Variants in KHDC4 observed in about 807,000 individuals in gnomAD.
KHDC4 encodes KH homology domain-containing protein 4.
Under a neutral mutation model 74.5 loss-of-function variants are expected in KHDC4, and 19 were observed. The observed-to-expected ratio is 0.26, with a 90% CI of 0.18 to 0.37. The LOEUF (loss-of-function observed/expected upper bound fraction) is 0.37. KHDC4 is among the 10% of genes least tolerant of loss of function. KHDC4 has a pLI of 1.00. For missense variants in KHDC4, 632 were observed against 754.1 expected (o/e 0.84, Z 1.90); for synonymous variants, 253 against 266.1 (o/e 0.95, Z 0.48).
chr1:155,922,359 C>G (rs1230893810), intron 8 of KHDC4, among the ~76,000 whole-genome samples: 1 of 152,076 alleles, frequency 6.6e-6, no homozygotes, highest in East Asian at 1.9e-4. Flanking sequence ...GTTGGCCAGG[C>G]TGGTCTCGAA....
intron 2 of KHDC4, among the ~76,000 whole-genome samples, chr1:155,932,926 G>A (rs937846598): frequency 4.6e-5 from 7 of 152,110 alleles, no homozygotes; most frequent in African/African-American, 1.7e-4. Context: ...GTGACAGAGT[G>A]AGACTCTATC....
intron 10 of KHDC4, among the ~76,000 whole-genome samples, chr1:155,919,645 C>A (rs1344300772): frequency 1.3e-5 from 2 of 151,980 alleles, no homozygotes; most frequent in African/African-American, 4.8e-5. Context: ...CCCATCTCCA[C>A]TAAAAATACA....
At position 155,913,406 on chromosome 1, in the gene KHDC4, T is replaced by G. The variant is rs1482551826; in HGVS notation, c.*715A>C. On this transcript the variant is annotated 3_prime_UTR_variant, in exon 14 of 14. Transcript: ENST00000368321. ...TTTCTGTGATGAGTTCTGACCAGTTTTAGTCAAGAAGTTTTCTCTGACCCA... is the reference window on the plus strand; with the variant it reads ...TTTCTGTGATGAGTTCTGACCAGTTGTAGTCAAGAAGTTTTCTCTGACCCA... 6.6e-6 allele frequency: 1 copy of G among 152,402 alleles called. No homozygotes were observed. Among genetic ancestry groups the G allele is most frequent in the Non-Finnish European group, 1.5e-5 (1 of 68,098 alleles). The allele number at this position is 152,402 out of a possible 1,614,324, so 9.4% of individuals were successfully genotyped here.
rs907620921 is a variant in KHDC4 at position 155,917,805 on chromosome 1, T to C, written c.1267-133A>G. On this transcript the variant is annotated intron_variant, in intron 10 of 13. Coordinates refer to ENST00000368321, the MANE Select transcript of KHDC4 (RefSeq NM_014949.4). ...TGCATCTTCAGGTCCTTAGTTTCCT[T>C]CATGTATAATTTGGTAACATTATCA... is the stretch of plus-strand genomic sequence containing the variant. The C allele has an allele frequency of 9.4e-6, 7 of 747,494 alleles. No individual in the cohort carries two copies. The African/African-American group carries it at 1.1e-4, about 11-fold the overall frequency. 46.3% of individuals were successfully genotyped at this position (747,494 alleles called of 1,614,324 possible). A position where few individuals can be genotyped will look rare whatever the true frequency, so the allele number is the denominator to read the frequency against.
chr1:155,923,599 G>A (rs1673917015), intron 8 of KHDC4, 28 bp downstream of exon 8: 1 of 1,568,734 alleles, frequency 6.4e-7, no homozygotes, highest in Non-Finnish European at 8.8e-7. Flanking sequence ...TTGCTCTTCT[G>A]AATGAGTATC....
rs79601516 is a variant in KHDC4, at chr1:155,921,598, A to G, written c.1043T>C (p.Val348Ala). 5.6e-6 allele frequency: 9 copies of G among 1,614,142 alleles called. No individual in the cohort carries two copies. In the South Asian group the frequency reaches 8.8e-5, roughly 16 times the overall value. The change falls in exon 10 of 14, where the codon GTC becomes GCC. Residue 348 changes from valine (V) to alanine (A), a missense_variant. Physicochemically the swap from Val to Ala is moderately conservative, Grantham distance 64. This residue lies in a region of KHDC4 where 254 missense variants were observed against 267.4 expected (regional missense o/e 0.95). Transcript: ENST00000368321. ...GYTQPSAISS[V>A]PPQPPYYPSN... ...TGGATAATATGGTGGTTGAGGAGGG[A>G]CACTACTTATAGCAGAGGGTTGTGT...
Position 155,934,347 on chromosome 1 carries a change from A to G in KHDC4, c.27T>C (p.Pro9=). 5 of 1,611,020 alleles carry G rather than the reference A, an allele frequency of 3.1e-6. No homozygotes were observed. The highest frequency in any genetic ancestry group is 4.2e-6 in the Non-Finnish European group (5 of 1,179,954). The change falls in exon 1 of 14, where the codon CCT becomes CCC. Residue 9 remains proline, a synonymous_variant. Coordinates refer to ENST00000368321, the MANE Select transcript of KHDC4 (RefSeq NM_014949.4). The part of the protein sequence containing the change: MSAGSATH[P]GAGGRRSKWD... ...CCCTGAAGCCGTACCCGCCAGCTCCAGGATGTGTCGCGCTCCCCGCGGACA... is the reference window on the plus strand; with the variant it reads ...CCCTGAAGCCGTACCCGCCAGCTCCGGGATGTGTCGCGCTCCCCGCGGACA...
At position 155,929,750 on chromosome 1, in the gene KHDC4, A is replaced by G; in HGVS notation, c.346T>C (p.Cys116Arg). 1 of 1,612,960 alleles carries G rather than the reference A, an allele frequency of 6.2e-7. No homozygotes were observed. Among genetic ancestry groups the G allele is most frequent in the Non-Finnish European group, 8.5e-7 (1 of 1,179,600 alleles). The stretch of plus-strand genomic sequence containing the variant: ...TGTCCTCGAGTCAGCAAGTTCCTAC[A>G]TGTGAGAGGCACATCATTAATTTCT... ...EVEINDVPLT[C>R]RNLLTRGQTQ... is the part of the protein sequence containing the mutation. Residue 116 changes from cysteine (C) to arginine (R), a missense_variant, in exon 3 of 14, where the codon TGT becomes CGT. Coordinates refer to ENST00000368321, the MANE Select transcript of KHDC4 (RefSeq NM_014949.4).
chr1:155,926,963 T>G, intron 5 of KHDC4, 124 bp from the exon 6 acceptor site: 1 of 1,328,410 alleles, frequency 7.5e-7, no homozygotes, highest in Non-Finnish European at 1.1e-6. Flanking sequence ...TCTCCATCCC[T>G]CTAAACTCCC....
intron 2 of KHDC4, among the ~76,000 whole-genome samples, chr1:155,931,692 T>C (rs1674145403): frequency 6.6e-6 from 1 of 152,202 alleles, no homozygotes; most frequent in Admixed American, 6.5e-5. Flanking sequence ...ACCTCCTGAG[T>C]AGCTGGGACT....
chr1:155,926,985 T>C lies in KHDC4; in HGVS notation c.517+119A>G. On this transcript the variant is annotated intron_variant, in intron 5 of 13. Coordinates refer to ENST00000368321, the MANE Select transcript of KHDC4 (RefSeq NM_014949.4). ...CCCTCTAAACTCCCATACAAATTCG[T>C]GTATAGTTCATGAACAAGGGTTAGA... 5.4e-6 allele frequency: 7 copies of C among 1,307,778 alleles called. No homozygotes were observed. The South Asian group carries it at 6.1e-5, about 11-fold the overall frequency. The allele number at this position is 1,307,778 out of a possible 1,614,324, so 81.0% of individuals were successfully genotyped here. A position where few individuals can be genotyped will look rare whatever the true frequency, so the allele number is the denominator to read the frequency against.
chr1:155,918,753 C>T (rs748332946), intron 10 of KHDC4, among the ~76,000 whole-genome samples: 1 of 152,138 alleles, frequency 6.6e-6, no homozygotes, highest in Non-Finnish European at 1.5e-5. Flanking sequence ...CTGACTAAAA[C>T]GTTGTAAGGT....
chr1:155,932,592 G>A (rs1244118873), intron 2 of KHDC4: 1 of 152,126 alleles, frequency 6.6e-6, no homozygotes, highest in Admixed American at 6.6e-5. Flanking sequence ...TATACAAGGA[G>A]CACTACATCT....
chr1:155,930,192 C>T (rs777750640), intron 2 of KHDC4, among the ~76,000 whole-genome samples: 4 of 152,314 alleles, frequency 2.6e-5, no homozygotes, highest in Admixed American at 6.5e-5. Flanking sequence ...GGATTACAGG[C>T]GTGAGCCACT....
At chr1:155,914,577 GAAA>G (rs1034132968) in intron 13 of KHDC4, 2 of 397,384 alleles carry the variant, frequency 5.0e-6, no homozygotes, top group African/African-American at 4.2e-5. Context: ...GAAAAAAAAA[GAAA>G]AAAAGGAAAG....
Position 155,917,559 on chromosome 1 carries a change from C to T in KHDC4, c.1380G>A (p.Gln460=). 1 of 1,356,482 alleles carries T rather than the reference C, an allele frequency of 7.4e-7. No homozygotes were observed. The highest frequency in any genetic ancestry group is 4.4e-5 in the East Asian group (1 of 22,718). 84.0% of individuals were successfully genotyped at this position (1,356,482 alleles called of 1,614,324 possible). A position where few individuals can be genotyped will look rare whatever the true frequency, so the allele number is the denominator to read the frequency against. ...QPPLPSQPQA[Q]KRRFTEELPD... ...GTAGCTCCTCTGTGAATCGTCTCTT[C>T]TGTGCCTGGGGCTGACTTGGGAGTG... Residue 460 remains glutamine (Q), a synonymous_variant, in exon 11 of 14, where the codon CAG becomes CAA. Transcript: ENST00000368321.
intron 10 of KHDC4, among the ~76,000 whole-genome samples, chr1:155,918,572 C>T (rs1414526778): frequency 2.6e-5 from 4 of 152,170 alleles, no homozygotes; most frequent in Non-Finnish European, 5.9e-5. Flanking sequence ...TACTACACAC[C>T]TAGGCTATAC....
intron 4 of KHDC4, among the ~76,000 whole-genome samples, chr1:155,928,506 A>T (rs1449074311): frequency 6.6e-6 from 1 of 152,056 alleles, no homozygotes; most frequent in East Asian, 1.9e-4. Flanking sequence ...CAGTGAAGAG[A>T]AACTCAAACA....
intron 2 of KHDC4, 124 bp downstream of exon 2, chr1:155,933,509 C>T (rs1284008402): frequency 1.5e-6 from 1 of 665,104 alleles, no homozygotes; most frequent in Non-Finnish European, 2.5e-6. Context: ...TGGTCTCAAA[C>T]TCCTGACCTT....
Sources: allele counts gnomAD v4.1 joint callset (sites outside exome capture counted in the v4.1 genomes callset), GRCh38; gene constraint gnomAD v4.1.1; regional missense constraint gnomAD v4.1.1; transcripts MANE v1.5; gene names NCBI Gene and HGNC (gene_info 2026-07-23, HGNC 2026-07-21).